Variants in PCDH15 observed in about 807,000 individuals in gnomAD.
PCDH15 encodes protocadherin related 15.
PCDH15 carries 129 observed loss-of-function variants against 178.5 expected under a neutral mutation model. The observed-to-expected ratio is 0.72, with a 90% CI of 0.63 to 0.84. PCDH15 has a LOEUF of 0.84. Ranked by LOEUF, PCDH15 falls within the 40% of genes least tolerant of loss-of-function variation. PCDH15 has a pLI of 0.00. For missense variants in PCDH15, 2,230 were observed against 2,099.9 expected (o/e 1.06, Z -1.21); for synonymous variants, 800 against 732.0 (o/e 1.09, Z -1.50).
chr10:54,972,314 C>T lies in PCDH15; in HGVS notation c.-79-74814G>A, dbSNP rs532899754. 7.3e-5 allele frequency among the ~76,000 whole-genome samples: 11 copies of T among 151,372 alleles called. No individual in the cohort carries two copies. The South Asian group carries it at 1.0e-3, about 14-fold the overall frequency. ...CAGCACTTTGGGAGGCCGAGGTGGGCGGATCACCTGAGGTCAGGAGTTCGA... is the reference window on the plus strand; with the variant it reads ...CAGCACTTTGGGAGGCCGAGGTGGGTGGATCACCTGAGGTCAGGAGTTCGA... On this transcript the variant is annotated intron_variant, in intron 2 of 5. Coordinates refer to the PCDH15 transcript ENST00000458638.
At chr10:54,262,084 C>T (rs1400445114) in intron 8 of PCDH15, among the ~76,000 whole-genome samples, 1 of 152,088 alleles carries the variant, frequency 6.6e-6, no homozygotes, top group Non-Finnish European at 1.5e-5. Context: ...GAGATCCTAG[C>T]TACAGGAGTT....
intron 24 of PCDH15, among the ~76,000 whole-genome samples, chr10:53,939,522 TATA>T (rs1333002477): frequency 3.9e-5 from 6 of 152,120 alleles, no homozygotes; most frequent in Non-Finnish European, 8.8e-5. Flanking sequence ...TGGTAAACTT[TATA>T]ATATCTCCCC....
At chr10:55,206,483 G>C (rs1472385405) in intron 1 of PCDH15, among the ~76,000 whole-genome samples, 2 of 152,082 alleles carry the variant, frequency 1.3e-5, no homozygotes, top group African/African-American at 4.8e-5. Context: ...TTTTCTCTCA[G>C]CTTGTCTTTA....
At chr10:54,115,461 A>G (rs2132765633) in intron 15 of PCDH15, among the ~76,000 whole-genome samples, 1 of 152,356 alleles carries the variant, frequency 6.6e-6, no homozygotes, top group African/African-American at 2.4e-5. Context: ...AATGTTGCAC[A>G]CTGAAAGGCT....
chr10:55,236,524 A>G (rs1361532989), intron 1 of PCDH15, among the ~76,000 whole-genome samples: 1 of 152,084 alleles, frequency 6.6e-6, no homozygotes, highest in Non-Finnish European at 1.5e-5. Flanking sequence ...ATATTGAGCA[A>G]TTTGTGCCTT....
intron 14 of PCDH15, among the ~76,000 whole-genome samples, chr10:54,140,388 T>A (rs2043284320): frequency 6.6e-6 from 1 of 151,696 alleles, no homozygotes; most frequent in African/African-American, 2.4e-5. Context: ...ATCAGGTTAA[T>A]TTTTTTTGGC....
chr10:53,939,754 GAATA>G (rs2085889691), intron 24 of PCDH15, among the ~76,000 whole-genome samples: 1 of 151,900 alleles, frequency 6.6e-6, no homozygotes, highest in Admixed American at 6.6e-5. Context: ...CATATTTGTT[GAATA>G]AATAAATAAA....
Position 53,866,712 on chromosome 10 carries a change from G to T in PCDH15, c.3647C>A (p.Ser1216Tyr), listed in dbSNP as rs367721759. 7.4e-6 allele frequency: 12 copies of T among 1,613,492 alleles called. No homozygotes were observed. Among genetic ancestry groups the T allele is most frequent in the Admixed American group, 3.3e-5 (2 of 59,948 alleles). Residue 1216 changes from serine (S) to tyrosine (Y), a missense_variant, in exon 27 of 38, where the codon TCC (serine) becomes TAC (tyrosine). Transcript: ENST00000644397. ...TGCAATAACTTGAAACTTGAAGTAG[G>T]ATCTCCTCATATTATGGAAGAGCAT... ...TAMLFHNMRR[S>Y]YFKFQVIATD...
At chr10:54,974,836 A>ATT (rs988419411) in intron 2 of PCDH15, among the ~76,000 whole-genome samples, 1 of 152,184 alleles carries the variant, frequency 6.6e-6, no homozygotes, top group African/African-American at 2.4e-5. Flanking sequence ...GTAGACATGA[A>ATT]TTTTAGAGAA....
intron 2 of PCDH15, among the ~76,000 whole-genome samples, chr10:54,565,352 C>T (rs2088874881): frequency 6.6e-6 from 1 of 152,184 alleles, no homozygotes; most frequent in African/African-American, 2.4e-5. Context: ...ATTTCTTGAT[C>T]TGTGAATCAA....
chr10:53,969,034 G>C (rs1266172446), intron 21 of PCDH15, among the ~76,000 whole-genome samples: 1 of 152,212 alleles, frequency 6.6e-6, no homozygotes, highest in Non-Finnish European at 1.5e-5. Flanking sequence ...GAAGGCTTCA[G>C]ACCATCAGTA....
At chr10:53,994,864 T>C (rs777363884) in intron 21 of PCDH15, 3 of 152,228 alleles carry the variant, frequency 2.0e-5, no homozygotes, top group East Asian at 3.9e-4. Flanking sequence ...ATATTAGCAA[T>C]AGAAAACAGA....
At chr10:55,274,009 T>C (rs1564956780) in intron 1 of PCDH15, among the ~76,000 whole-genome samples, 1 of 152,110 alleles carries the variant, frequency 6.6e-6, no homozygotes, top group African/African-American at 2.4e-5. Context: ...TATGTATGTG[T>C]GTGTGTGCAT....
intron 2 of PCDH15, among the ~76,000 whole-genome samples, chr10:55,004,656 C>A (rs1839880003): frequency 6.6e-6 from 1 of 152,120 alleles, no homozygotes; most frequent in Admixed American, 6.6e-5. Flanking sequence ...ATATAAACCA[C>A]TAAATTTAGT....
At chr10:53,918,607 G>A (rs2083725805) in intron 25 of PCDH15, among the ~76,000 whole-genome samples, 1 of 152,146 alleles carries the variant, frequency 6.6e-6, no homozygotes, top group African/African-American at 2.4e-5. Context: ...ATTTATAAAT[G>A]TCTATGGTAT....
intron 2 of PCDH15, among the ~76,000 whole-genome samples, chr10:55,490,882 T>C (rs767888432): frequency 6.6e-6 from 1 of 151,668 alleles, no homozygotes; most frequent in Non-Finnish European, 1.5e-5. Context: ...AAAAAGCCAA[T>C]TTAAAGCCTT....
upstream of PCDH15, among the ~76,000 whole-genome samples, chr10:54,804,877 C>T (rs542030272): frequency 8.0e-6 from 1 of 125,426 alleles, no homozygotes; most frequent in African/African-American, 3.0e-5. Flanking sequence ...TACAAACTTT[C>T]TTTTTCTGTA....
intron 2 of PCDH15, among the ~76,000 whole-genome samples, chr10:55,055,128 C>T (rs758093728): frequency 2.6e-5 from 4 of 152,062 alleles, no homozygotes; most frequent in Non-Finnish European, 4.4e-5. Flanking sequence ...AGTTGTCTTC[C>T]GCAGTTTTAT....
At chr10:54,971,809 C>G (rs116873776) in intron 2 of PCDH15, among the ~76,000 whole-genome samples, 2 of 152,228 alleles carry the variant, frequency 1.3e-5, no homozygotes, top group East Asian at 3.9e-4. Flanking sequence ...TATTCCCATA[C>G]GTATATATAA....
Sources: gnomAD v4.1 joint callset for allele counts (sites outside exome capture counted in the v4.1 genomes callset) on GRCh38, gnomAD v4.1.1 for gene constraint, MANE v1.5 for transcripts, NCBI Gene and HGNC (gene_info 2026-07-23, HGNC 2026-07-21) for gene names.